The following GFI1B variants were observed in gnomAD, a reference collection of about 807,000 sequenced individuals.
GFI1B encodes growth factor independent 1B transcriptional repressor, also known as zinc finger protein Gfi-1b.
GFI1B carries 20 observed loss-of-function variants against 35.3 expected under a neutral mutation model. The observed-to-expected ratio is 0.57, with a 90% CI of 0.40 to 0.82. GFI1B has a LOEUF of 0.82. Ranked by LOEUF, GFI1B falls within the 40% of genes least tolerant of loss-of-function variation. The probability of loss-of-function intolerance (pLI) is 0.00; values close to 1 mark genes in which losing one functional copy is unlikely to be tolerated. For missense variants in GFI1B, 430 were observed against 446.3 expected (o/e 0.96, Z 0.33); for synonymous variants, 178 against 177.6 (o/e 1.00, Z -0.02).
rs947939927 is a variant in GFI1B at position 132,966,773 on chromosome 9, C to G, written c.-700-5952C>G. 3.3e-5 allele frequency among the ~76,000 whole-genome samples: 5 copies of G among 152,308 alleles called. 1 individual carries two copies. Among genetic ancestry groups the G allele is most frequent in the East Asian group, 1.9e-4 (1 of 5,194 alleles). ...CTCAGCATCACTAAGGTGGGACAAC[C>G]TACTGTTAGATGCCTCCTGATGCAG... On this transcript the variant is annotated intron_variant, in intron 1 of 10. Coordinates refer to the GFI1B transcript ENST00000339463.
In GFI1B at chr9:132,989,507, C is replaced by T. The variant is rs1350867581; in HGVS notation, c.649-235C>T. ...ATCAGTCAGTCCATCAGTCAATCAACGAACATTTATTGAGGTTTATTTTGA... is the reference window on the plus strand; with the variant it reads ...ATCAGTCAGTCCATCAGTCAATCAATGAACATTTATTGAGGTTTATTTTGA... On this transcript the variant is annotated intron_variant, in intron 5 of 6. Coordinates refer to ENST00000372122, the MANE Select transcript of GFI1B (RefSeq NM_001377304.1). The surrounding 1 kb of genome is among the most constrained non-coding windows in gnomAD (Gnocchi z 6.2). 1.8e-5 allele frequency: 11 copies of T among 601,992 alleles called. No homozygotes were observed. The highest frequency in any genetic ancestry group is 4.4e-4 in the Middle Eastern group (1 of 2,266). The allele number at this position is 601,992 out of a possible 1,614,324, so 37.3% of individuals were successfully genotyped here.
upstream of GFI1B, among the ~76,000 whole-genome samples, chr9:132,974,387 G>A (rs1848588202): frequency 6.6e-6 from 1 of 152,018 alleles, no homozygotes; most frequent in Admixed American, 6.6e-5. Flanking sequence ...ATCACTTGAG[G>A]TTAGGAGTTT....
In GFI1B at chr9:132,958,107, G is replaced by A. The variant is rs531092684; in HGVS notation, c.-701+12438G>A. Among the ~76,000 whole-genome samples the A allele has an allele frequency of 1.7e-3, 262 of 152,240 alleles. 5 individuals are homozygous for A. The highest frequency in any genetic ancestry group is 5.1e-4 in the Non-Finnish European group (35 of 68,010). On this transcript the variant is annotated intron_variant, in intron 1 of 10. Transcript: ENST00000339463. Reference sequence around the variant, plus strand: ...ACCTTGATCCTGAGCTCAGTGAGGAGCCTTGAAGGATTTTAATTGGGTCGA... The same window carrying A: ...ACCTTGATCCTGAGCTCAGTGAGGAACCTTGAAGGATTTTAATTGGGTCGA...
At chr9:132,960,145 G>C (rs1288149017) in intron 1 of GFI1B, among the ~76,000 whole-genome samples, 2 of 152,192 alleles carry the variant, frequency 1.3e-5, no homozygotes, top group Non-Finnish European at 2.9e-5. Flanking sequence ...GTCAAAATTA[G>C]AGTGATGAGG....
upstream of GFI1B, among the ~76,000 whole-genome samples, chr9:132,978,140 G>A (rs1453289865): frequency 1.3e-5 from 2 of 149,714 alleles, no homozygotes; most frequent in African/African-American, 2.5e-5. Flanking sequence ...GGGAGGCAGG[G>A]AAAAAAGGAG....
chr9:132,965,205 AG>A (rs1222903199), intron 1 of GFI1B, among the ~76,000 whole-genome samples: 2 of 152,222 alleles, frequency 1.3e-5, no homozygotes, highest in Admixed American at 1.3e-4. Flanking sequence ...CCCAGTAACA[AG>A]AACTCCTGGC....
upstream of GFI1B, among the ~76,000 whole-genome samples, chr9:132,977,937 T>C (rs188241654): frequency 5.0e-3 from 759 of 152,304 alleles, 7 homozygotes; most frequent in Non-Finnish European, 7.4e-3. Context: ...CCAGGGTGCC[T>C]CTACCCGCTC....
At chr9:132,979,119 T>C (rs1386506332) in intron 1 of GFI1B, among the ~76,000 whole-genome samples, 1 of 152,176 alleles carries the variant, frequency 6.6e-6, no homozygotes, top group African/African-American at 2.4e-5. Context: ...CACAAAGTCA[T>C]ACCCACAACC....
chr9:132,976,970 T>G (rs986811090), upstream of GFI1B, among the ~76,000 whole-genome samples: 1 of 151,910 alleles, frequency 6.6e-6, no homozygotes. Flanking sequence ...AATAATAATT[T>G]TCTTGAGACA....
chr9:132,982,762 C>T (rs527677034), intron 1 of GFI1B, among the ~76,000 whole-genome samples: 1 of 152,176 alleles, frequency 6.6e-6, no homozygotes, highest in South Asian at 2.1e-4. Context: ...GCATTTGGCC[C>T]CTCTGTGAGC....
At chr9:132,984,572 T>C (rs1487732881) in intron 1 of GFI1B, among the ~76,000 whole-genome samples, 1 of 152,204 alleles carries the variant, frequency 6.6e-6, no homozygotes, top group Non-Finnish European at 1.5e-5. Flanking sequence ...GTCCTTTGAA[T>C]GCACCTGCAG....
At position 132,989,234 on chromosome 9, in the gene GFI1B, A is replaced by T; in HGVS notation, c.648+36A>T. On this transcript the variant is annotated intron_variant, in intron 5 of 6. Transcript: ENST00000372122. The surrounding 1 kb of genome is among the most constrained non-coding windows in gnomAD (Gnocchi z 6.2). ...GGCCCAGCGCAGGACTCCCAGCCCC[A>T]CTCCTTCTCTGTGCTTCCCCAGGGA... The T allele has an allele frequency of 6.3e-7, 1 of 1,595,124 alleles. No homozygotes were observed. The highest frequency in any genetic ancestry group is 8.6e-7 in the Non-Finnish European group (1 of 1,169,522).
intron 2 of GFI1B, 60 bp downstream of exon 2, chr9:132,986,838 A>G (rs1849087834): frequency 9.8e-7 from 1 of 1,020,560 alleles, no homozygotes; most frequent in Non-Finnish European, 1.5e-6. Context: ...GCTCTGCGTG[A>G]TGAGGGTGCA....
intron 6 of GFI1B, 50 bp from the exon 7 acceptor site, chr9:132,990,822 T>G: frequency 1.3e-6 from 2 of 1,577,150 alleles, no homozygotes; most frequent in Non-Finnish European, 1.7e-6. Context: ...GCAGGCCTGG[T>G]GAGGAGGCCC....
chr9:132,966,370 A>G (rs1848450709), intron 1 of GFI1B, among the ~76,000 whole-genome samples: 1 of 150,292 alleles, frequency 6.7e-6, no homozygotes, highest in African/African-American at 2.5e-5. Context: ...AAAAGAAAAA[A>G]AAAAAGAAAA....
downstream of GFI1B, among the ~76,000 whole-genome samples, chr9:132,992,234 C>G (rs1436450838): frequency 1.3e-5 from 2 of 152,172 alleles, no homozygotes; most frequent in South Asian, 2.1e-4. Context: ...TCTTGCCTCT[C>G]TCTTATAAAG....
In GFI1B at chr9:132,987,893, G is replaced by A. The variant is rs184282456; in HGVS notation, c.239-304G>A. Among the ~76,000 whole-genome samples the A allele has an allele frequency of 1.2e-4, 19 of 152,288 alleles. No individual in the cohort carries two copies. The East Asian group carries it at 3.7e-3, about 29-fold the overall frequency. On this transcript the variant is annotated intron_variant, in intron 3 of 6. Coordinates refer to ENST00000372122, the MANE Select transcript of GFI1B (RefSeq NM_001377304.1). ...AGTGTCTCACTCTGTTGCCCAGGCT[G>A]GAGTGCAGTGGCACGATCTCAACTC...
chr9:132,989,235 C>A lies in GFI1B; in HGVS notation c.648+37C>A, dbSNP rs759595581. The A allele has an allele frequency of 2.5e-6, 4 of 1,594,810 alleles. No individual in the cohort carries two copies. Among genetic ancestry groups the A allele is most frequent in the Non-Finnish European group, 2.6e-6 (3 of 1,168,834 alleles). ...GCCCAGCGCAGGACTCCCAGCCCCACTCCTTCTCTGTGCTTCCCCAGGGAG... is the reference window on the plus strand; with the variant it reads ...GCCCAGCGCAGGACTCCCAGCCCCAATCCTTCTCTGTGCTTCCCCAGGGAG... On this transcript the variant is annotated intron_variant, in intron 5 of 6. Transcript: ENST00000372122. The surrounding 1 kb of genome is among the most constrained non-coding windows in gnomAD (Gnocchi z 6.2).
chr9:132,993,272 G>A (rs1183591056), downstream of GFI1B, among the ~76,000 whole-genome samples: 1 of 152,088 alleles, frequency 6.6e-6, no homozygotes, highest in Admixed American at 6.6e-5. Context: ...CCAGCTCTGG[G>A]CAACAGAGCA....
Sources: gnomAD v4.1 joint callset for allele counts (sites outside exome capture counted in the v4.1 genomes callset) on GRCh38, gnomAD v4.1.1 for gene constraint, Gnocchi (gnomAD v3.1) non-coding constraint, MANE v1.5 for transcripts, NCBI Gene and HGNC (gene_info 2026-07-23, HGNC 2026-07-21) for gene names.